PLPP1: variants seen among roughly 807,000 people sequenced by gnomAD.
The protein encoded by PLPP1 is lipid phosphate phosphohydrolase 1a.
Under a neutral mutation model 31.2 loss-of-function variants are expected in PLPP1, and 24 were observed. That is an observed-to-expected ratio of 0.77 (90% CI 0.56 to 1.08). The LOEUF (loss-of-function observed/expected upper bound fraction) is 1.08, where lower values mean the gene tolerates loss of function less well. PLPP1 is among the 50% of genes least tolerant of loss of function. The probability of loss-of-function intolerance (pLI) is 0.00; values close to 1 mark genes in which losing one functional copy is unlikely to be tolerated. For missense variants in PLPP1, 319 were observed against 342.7 expected, an observed-to-expected ratio of 0.93 and a Z score of 0.55; for synonymous variants, 146 against 126.3, an observed-to-expected ratio of 1.16 and a Z score of -1.05.
chr5:55,515,871 GC>G (rs1396476101), intron 1 of PLPP1, among the ~76,000 whole-genome samples: 1 of 152,172 alleles, frequency 6.6e-6, no homozygotes, highest in East Asian at 1.9e-4. Flanking sequence ...CCACGAATAT[GC>G]CAACGATTCT....
chr5:55,532,283 G>A (rs560701918), intron 1 of PLPP1, among the ~76,000 whole-genome samples: 1 of 151,984 alleles, frequency 6.6e-6, no homozygotes, highest in East Asian at 1.9e-4. Context: ...ATTAGCTTCA[G>A]CTACCTCAGA....
intron 3 of PLPP1, among the ~76,000 whole-genome samples, chr5:55,466,817 TCAAACAAA>T (rs36192188): frequency 6.6e-6 from 1 of 151,612 alleles, no homozygotes; most frequent in Non-Finnish European, 1.5e-5. Flanking sequence ...TCTAAAAAAA[TCAAACAAA>T]CAAAGGATGT....
chr5:55,485,723 T>C (rs143735563), intron 1 of PLPP1, among the ~76,000 whole-genome samples: 1 of 152,142 alleles, frequency 6.6e-6, no homozygotes, highest in African/African-American at 2.4e-5. Context: ...TCTCATATAC[T>C]AATAATCCCA....
At chr5:55,429,208 CG>C (rs34326979) in intron 4 of PLPP1, among the ~76,000 whole-genome samples, 8,749 of 152,042 alleles carry the variant, frequency 0.058, 442 homozygotes, top group Admixed American at 0.11. Flanking sequence ...AAGCTATGGT[CG>C]AGGACAGCAA....
intron 2 of PLPP1, 45 bp downstream of exon 2, chr5:55,475,254 C>T: frequency 6.5e-7 from 1 of 1,527,314 alleles, no homozygotes; most frequent in Non-Finnish European, 8.9e-7. Context: ...AAAATTAAGC[C>T]AAGTGCCCAA....
intron 1 of PLPP1, among the ~76,000 whole-genome samples, chr5:55,510,982 C>T (rs1753392215): frequency 6.6e-6 from 1 of 152,080 alleles, no homozygotes; most frequent in Admixed American, 6.6e-5. Flanking sequence ...TGCCTACTGC[C>T]CTCACAACCC....
intron 1 of PLPP1, among the ~76,000 whole-genome samples, chr5:55,490,537 A>G (rs1165100389): frequency 6.6e-6 from 1 of 152,126 alleles, no homozygotes; most frequent in Non-Finnish European, 1.5e-5. Flanking sequence ...CTCAAATTTA[A>G]TATGCAAACG....
intron 1 of PLPP1, chr5:55,530,199 T>A: frequency 7.4e-7 from 1 of 1,350,662 alleles, no homozygotes; most frequent in Non-Finnish European, 1.1e-6. Flanking sequence ...AGTTTGACAT[T>A]GAGTTTCTTC....
intron 1 of PLPP1, among the ~76,000 whole-genome samples, chr5:55,494,409 C>T (rs1360019265): frequency 6.6e-6 from 1 of 152,090 alleles, no homozygotes; most frequent in East Asian, 1.9e-4. Flanking sequence ...ACGAAAGTTC[C>T]ATTGATAGAA....
chr5:55,474,328 T>C (rs1436001434), intron 2 of PLPP1, among the ~76,000 whole-genome samples: 1 of 152,160 alleles, frequency 6.6e-6, no homozygotes, highest in Non-Finnish European at 1.5e-5. Context: ...ATCTTGTTTA[T>C]AAAGTCACAA....
At position 55,530,300 on chromosome 5, in the gene PLPP1, T is replaced by C. The variant is rs1022616828; in HGVS notation, c.58+4272A>G. On this transcript the variant is annotated intron_variant, in intron 1 of 5. Transcript: ENST00000307259. Reference sequence around the variant, plus strand: ...AATTTCTGGTAATCTGGCTAGGATCTCCCCAAGGAAGAGATACACAAATAG... The same window carrying C: ...AATTTCTGGTAATCTGGCTAGGATCCCCCCAAGGAAGAGATACACAAATAG... 9.3e-5 allele frequency: 140 copies of C among 1,500,512 alleles called. No homozygotes were observed. In the African/African-American group the frequency reaches 1.7e-3, roughly 18 times the overall value. The allele number at this position is 1,500,512 out of a possible 1,614,324, so 92.9% of individuals were successfully genotyped here.
At chr5:55,441,752 C>A in intron 4 of PLPP1, 99 bp downstream of exon 4, 1 of 1,257,906 alleles carries the variant, frequency 7.9e-7, no homozygotes, top group Non-Finnish European at 1.2e-6. Context: ...TCACCTTTTG[C>A]TACTGGCTAA....
At chr5:55,519,987 C>A (rs1462159670) in intron 1 of PLPP1, among the ~76,000 whole-genome samples, 5 of 152,072 alleles carry the variant, frequency 3.3e-5, no homozygotes, top group African/African-American at 1.2e-4. Context: ...CTCATTCAAC[C>A]TGTACTTTAA....
intron 1 of PLPP1, among the ~76,000 whole-genome samples, chr5:55,499,249 TG>T (rs1407130809): frequency 1.3e-5 from 2 of 152,206 alleles, no homozygotes; most frequent in Non-Finnish European, 2.9e-5. Context: ...TCCCACTCCA[TG>T]ATACACATGT....
intron 1 of PLPP1, among the ~76,000 whole-genome samples, chr5:55,529,737 C>T (rs577848648): frequency 1.4e-5 from 2 of 144,116 alleles, no homozygotes; most frequent in East Asian, 4.0e-4. Context: ...TTCTGCAACT[C>T]TAATAACTGG....
intron 1 of PLPP1, among the ~76,000 whole-genome samples, chr5:55,527,848 C>A (rs1308574783): frequency 1.8e-5 from 1 of 56,120 alleles, no homozygotes; most frequent in African/African-American, 4.0e-5. Flanking sequence ...GAACTACTCA[C>A]AGAACAGCTT....
chr5:55,527,656 C>G (rs1188028655), intron 1 of PLPP1, among the ~76,000 whole-genome samples: 6 of 152,186 alleles, frequency 3.9e-5, no homozygotes, highest in Admixed American at 3.9e-4. Flanking sequence ...GGAACCATTT[C>G]AAAAGGTACA....
chr5:55,525,950 A>G (rs1168738149), intron 1 of PLPP1, among the ~76,000 whole-genome samples: 2 of 152,096 alleles, frequency 1.3e-5, no homozygotes, highest in African/African-American at 4.8e-5. Context: ...TCAAATGTTG[A>G]ATTAAGGCAC....
intron 1 of PLPP1, among the ~76,000 whole-genome samples, chr5:55,496,967 G>A (rs1056358922): frequency 2.0e-5 from 3 of 152,066 alleles, no homozygotes; most frequent in African/African-American, 7.2e-5. Context: ...CTAATATGTA[G>A]AAGGTAAAGA....
Sources: allele counts gnomAD v4.1 joint callset (sites outside exome capture counted in the v4.1 genomes callset), GRCh38; gene constraint gnomAD v4.1.1; transcripts MANE v1.5; gene names NCBI Gene and HGNC (gene_info 2026-07-23, HGNC 2026-07-21).